Variants in MYC observed in about 807,000 individuals in gnomAD.
MYC encodes the protein myc proto-oncogene protein.
Under a neutral mutation model 30.5 loss-of-function variants are expected in MYC, and 1 was observed. The observed-to-expected ratio is 0.03, with a 90% CI of 0.01 to 0.16. The LOEUF (loss-of-function observed/expected upper bound fraction) is 0.16, where lower values mean the gene tolerates loss of function less well. Among genes scored for constraint, MYC ranks in the 10% least tolerant of loss-of-function variants. The pLI is 1.00. For synonymous variants in MYC, 267 were observed against 250.7 expected, an observed-to-expected ratio of 1.07 and a Z score of -0.62; for missense variants, 508 against 589.0, an observed-to-expected ratio of 0.86 and a Z score of 1.42.
At chr8:127,735,909 C>G (rs570523723), upstream of MYC, 2 of 399,694 alleles carry the variant, frequency 5.0e-6, no homozygotes, top group South Asian at 2.6e-4. Flanking sequence ...CTCGGCTGCC[C>G]GGCTGAGTCT....
At position 127,738,859 on chromosome 8, in the gene MYC, C is replaced by A. The variant is rs1813656276; in HGVS notation, c.642C>A (p.Leu214=). The change falls in exon 2 of 3, where the codon CTC becomes CTA. Residue 214 remains leucine, a synonymous_variant. Transcript: ENST00000621592. This position sits in a 1 kb window ranked among gnomAD's most constrained non-coding sequence, Gnocchi z 7.6. ...CCTCGGTGGTCTTCCCCTACCCTCT[C>A]AACGACAGCAGCTCGCCCAAGTCCT... is the stretch of plus-strand genomic sequence containing the variant. The A allele has an allele frequency of 1.2e-6, 2 of 1,612,332 alleles. No individual in the cohort carries two copies. The highest frequency in any genetic ancestry group is 4.5e-5 in the East Asian group (2 of 44,846).
At position 127,736,564 on chromosome 8, in the gene MYC, T is replaced by A. The variant is rs759881591; in HGVS notation, c.-30T>A. 1 of 1,614,078 alleles carries A rather than the reference T, an allele frequency of 6.2e-7. No individual in the cohort carries two copies. The highest frequency in any genetic ancestry group is 8.5e-7 in the Non-Finnish European group (1 of 1,179,988). On this transcript the variant is annotated 5_prime_UTR_variant, in exon 1 of 3. Coordinates refer to ENST00000621592, the MANE Select transcript of MYC (RefSeq NM_002467.6). ...CCGCCGCTGCCAGGACCCGCTTCTC[T>A]GAAAGGCTCTCCTTGCAGCTGCTTA...
rs2130102741 is a variant in MYC at position 127,740,486 on chromosome 8, C to T, written c.893C>T (p.Ser298Phe). The change falls in exon 3 of 3, where the codon TCT (serine) becomes TTT (phenylalanine). Residue 298 changes from serine (S) to phenylalanine (F), a missense_variant. This residue lies in a region of MYC where 364 missense variants were observed against 381.1 expected (regional missense o/e 0.96). Transcript: ENST00000621592. ...AAAAGGTCAGAGTCTGGATCACCTT[C>T]TGCTGGAGGCCACAGCAAACCTCCT... 1 of 1,614,142 alleles carries T rather than the reference C, an allele frequency of 6.2e-7. No homozygotes were observed. Among genetic ancestry groups the T allele is most frequent in the African/African-American group, 1.3e-5 (1 of 75,024 alleles).
At position 127,740,322 on chromosome 8, in the gene MYC, A is replaced by G. The variant is rs1013584606; in HGVS notation, c.803-74A>G. 4.0e-5 allele frequency: 57 copies of G among 1,423,042 alleles called. No homozygotes were observed. The East Asian group carries it at 1.3e-3, about 32-fold the overall frequency. 88.2% of individuals were successfully genotyped at this position (1,423,042 alleles called of 1,614,324 possible). ...TAACGTATTCATGCCTTGTATTTGT[A>G]CAGCATTAATCTGGTAATTGATTAT... On this transcript the variant is annotated intron_variant, in intron 2 of 2. Transcript: ENST00000621592.
At position 127,740,480 on chromosome 8, in the gene MYC, C is replaced by T. The variant is rs562953156; in HGVS notation, c.887C>T (p.Ser296Leu). The change falls in exon 3 of 3, where the codon TCA becomes TTA. Residue 296 changes from serine (S) to leucine (L), a missense_variant. Physicochemically the swap from Ser to Leu is moderately radical, Grantham distance 145 (BLOSUM62 -2). Coordinates refer to ENST00000621592, the MANE Select transcript of MYC (RefSeq NM_002467.6). Reference sequence around the variant, plus strand: ...CCTGGCAAAAGGTCAGAGTCTGGATCACCTTCTGCTGGAGGCCACAGCAAA... The same window carrying T: ...CCTGGCAAAAGGTCAGAGTCTGGATTACCTTCTGCTGGAGGCCACAGCAAA... 65 of 1,614,072 alleles carry T rather than the reference C, an allele frequency of 4.0e-5. 2 individuals are homozygous for T. The South Asian group carries it at 6.6e-4, about 16-fold the overall frequency.
At chr8:127,737,170 A>G (rs1813607198) in intron 1 of MYC, among the ~76,000 whole-genome samples, 1 of 152,260 alleles carries the variant, frequency 6.6e-6, no homozygotes, top group Non-Finnish European at 1.5e-5. Flanking sequence ...CCCCGCGGCG[A>G]TTCCAACCCG....
In MYC at chr8:127,740,639, G is replaced by C. The variant is rs758679560; in HGVS notation, c.1046G>C (p.Arg349Thr). The change falls in exon 3 of 3, where the codon AGA becomes ACA. Residue 349 changes from arginine to threonine, a missense_variant. By Grantham distance (71) the Arg-to-Thr change is moderately conservative. This residue lies in a region of MYC where 364 missense variants were observed against 381.1 expected (regional missense o/e 0.96). Transcript: ENST00000621592. ...AAGTTGGACAGTGTCAGAGTCCTGAGACAGATCAGCAACAACCGAAAATGC... is the reference window on the plus strand; with the variant it reads ...AAGTTGGACAGTGTCAGAGTCCTGACACAGATCAGCAACAACCGAAAATGC... 1 of 1,614,080 alleles carries C rather than the reference G, an allele frequency of 6.2e-7. No individual in the cohort carries two copies. The highest frequency in any genetic ancestry group is 2.2e-5 in the East Asian group (1 of 44,856).
rs775690959 is a variant in MYC at position 127,738,798 on chromosome 8, A to G, written c.581A>G (p.Gln194Arg). Reference sequence around the variant, plus strand: ...TGCTCCACCTCCAGCTTGTACCTGCAGGATCTGAGCGCCGCCGCCTCAGAG... The same window carrying G: ...TGCTCCACCTCCAGCTTGTACCTGCGGGATCTGAGCGCCGCCGCCTCAGAG... Residue 194 changes from glutamine (Q) to arginine (R), a missense_variant, in exon 2 of 3, where the codon CAG (glutamine) becomes CGG (arginine). Gln to Arg is a conservative substitution (Grantham distance 43). Around this residue, in one of 5 missense-constraint regions of MYC, gnomAD observed 364 missense variants for 381.1 expected, o/e 0.96. Coordinates refer to ENST00000621592, the MANE Select transcript of MYC (RefSeq NM_002467.6). The surrounding 1 kb of genome is among the most constrained non-coding windows in gnomAD (Gnocchi z 7.6). 6.2e-7 allele frequency: 1 copy of G among 1,609,470 alleles called. No homozygotes were observed. Among genetic ancestry groups the G allele is most frequent in the South Asian group, 1.1e-5 (1 of 90,702 alleles).
chr8:127,736,382 G>A lies in MYC; in HGVS notation c.-212G>A. The A allele has an allele frequency of 3.3e-6, 2 of 614,032 alleles. No homozygotes were observed. The highest frequency in any genetic ancestry group is 2.9e-5 in the Admixed American group (1 of 34,244). 38.0% of individuals were successfully genotyped at this position (614,032 alleles called of 1,614,324 possible). On this transcript the variant is annotated 5_prime_UTR_variant, in exon 1 of 3. Coordinates refer to ENST00000621592, the MANE Select transcript of MYC (RefSeq NM_002467.6). ...GCTTCGCCTCTGGCCCAGCCCTCCC[G>A]CTGATCCCCCAGCCAGCGGTCCGCA...
At chr8:127,739,966 C>CTTTTT (rs545674040) in intron 2 of MYC, among the ~76,000 whole-genome samples, 127 of 136,416 alleles carry the variant, frequency 9.3e-4, no homozygotes, top group African/African-American at 2.0e-3. Flanking sequence ...TAGATTGGTT[C>CTTTTT]TTTTTTTTTT....
intron 1 of MYC, among the ~76,000 whole-genome samples, chr8:127,737,412 C>G (rs1336927324): frequency 6.6e-6 from 1 of 152,062 alleles, no homozygotes; most frequent in Non-Finnish European, 1.5e-5. Context: ...TCCTCGCGCC[C>G]GAGATGCGGA....
rs576210279 is a variant in MYC at position 127,742,635 on chromosome 8, CAT to C, written c.*1680_*1681del. 6.0e-4 allele frequency among the ~76,000 whole-genome samples: 92 copies of C among 152,284 alleles called. No homozygotes were observed. The highest frequency in any genetic ancestry group is 2.1e-3 in the African/African-American group (86 of 41,584). On this transcript the variant is annotated 3_prime_UTR_variant, in exon 3 of 3. Coordinates refer to ENST00000621592, the MANE Select transcript of MYC (RefSeq NM_002467.6). ...AGCCAGTTCAGATCATAAAATAAAA[CAT>C]ATTTATTCTTTGTCATGGGAGTCAT...
chr8:127,736,679 A>C (rs1324403807), intron 1 of MYC, 56 bp downstream of exon 1: 16 of 1,575,992 alleles, frequency 1.0e-5, no homozygotes, highest in African/African-American at 1.4e-5. Flanking sequence ...TTTAATGCTG[A>C]GATGAGTCGA....
chr8:127,735,576 C>T (rs919913744), upstream of MYC: 3 of 399,168 alleles, frequency 7.5e-6, no homozygotes, highest in Non-Finnish European at 1.3e-5. Context: ...GAACGCGCGC[C>T]CATTAATACC....
At position 127,738,145 on chromosome 8, in the gene MYC, G is replaced by C. The variant is rs1030804442; in HGVS notation, c.31-103G>C. On this transcript the variant is annotated intron_variant, in intron 1 of 2. Transcript: ENST00000621592. The surrounding 1 kb of genome is among the most constrained non-coding windows in gnomAD (Gnocchi z 7.6). ...CGCTTTAGGGGATAGCTCTGCAAGG[G>C]GAGAGGTTCGGGACTGTGGCGCGCA... The C allele has an allele frequency of 1.4e-6, 2 of 1,382,152 alleles. No homozygotes were observed. Among genetic ancestry groups the C allele is most frequent in the Non-Finnish European group, 1.9e-6 (2 of 1,025,992 alleles). The allele number at this position is 1,382,152 out of a possible 1,614,324, so 85.6% of individuals were successfully genotyped here. A position where few individuals can be genotyped will look rare whatever the true frequency, so the allele number is the denominator to read the frequency against.
At chr8:127,736,775 G>A in intron 1 of MYC, 152 bp downstream of exon 1, 1 of 867,248 alleles carries the variant, frequency 1.2e-6, no homozygotes, top group South Asian at 1.7e-5. Context: ...CTGGGGTGGG[G>A]GGTAATCCAG....
intron 2 of MYC, among the ~76,000 whole-genome samples, chr8:127,739,480 T>C (rs1813671069): frequency 6.6e-6 from 1 of 152,160 alleles, no homozygotes; most frequent in African/African-American, 2.4e-5. Flanking sequence ...GTTTAGAGGC[T>C]AGGCAGGGCC....
At chr8:127,739,095 A>C in intron 2 of MYC, 76 bp downstream of exon 2, 1 of 1,362,904 alleles carries the variant, frequency 7.3e-7, no homozygotes, top group East Asian at 2.6e-5. Context: ...AGCTTATTTA[A>C]CGGGCCACTC....
chr8:127,739,834 T>A (rs929729315), intron 2 of MYC, among the ~76,000 whole-genome samples: 1 of 152,136 alleles, frequency 6.6e-6, no homozygotes, highest in African/African-American at 2.4e-5. Flanking sequence ...AAGTCTTAGG[T>A]AAGAATTGGC....
Sources: gnomAD v4.1 joint callset for allele counts (sites outside exome capture counted in the v4.1 genomes callset) on GRCh38, gnomAD v4.1.1 for gene constraint, gnomAD v4.1.1 regional missense constraint, Gnocchi (gnomAD v3.1) non-coding constraint, MANE v1.5 for transcripts, NCBI Gene and HGNC (gene_info 2026-07-23, HGNC 2026-07-21) for gene names.